Variants in LINGO2 observed in about 807,000 individuals in gnomAD.
LINGO2 encodes leucine rich repeat and Ig domain containing 2.
A neutral mutation model predicts 30.6 loss-of-function variants in LINGO2; 14 were observed. The ratio of observed to expected loss-of-function variants is 0.46; its 90% CI spans 0.30 to 0.72. LINGO2 has a LOEUF of 0.72. Among genes scored for constraint, LINGO2 ranks in the 30% least tolerant of loss-of-function variants. The pLI, the probability that LINGO2 is intolerant of heterozygous loss-of-function variation, is 0.07. For synonymous variants in LINGO2, 317 were observed against 288.5 expected, an observed-to-expected ratio of 1.10 and a Z score of -1.00; for missense variants, 729 against 751.7, an observed-to-expected ratio of 0.97 and a Z score of 0.35.
chr9:28,798,487 A>T, the LINGO2 span, among the ~76,000 whole-genome samples: 1 of 152,180 alleles, frequency 6.6e-6, no homozygotes, highest in South Asian at 2.1e-4. Context: ...AGAAGGTGGG[A>T]TGTTTCTAAT....
At chr9:28,155,988 C>T (rs2133575401) in intron 4 of LINGO2, among the ~76,000 whole-genome samples, 1 of 152,298 alleles carries the variant, frequency 6.6e-6, no homozygotes, top group Admixed American at 6.5e-5. Context: ...CCACGAGACA[C>T]TCAGCCTATG....
rs908033862 is a variant in LINGO2 at position 28,614,099 on chromosome 9, T to C, written c.-365+56101A>G. 3.9e-5 allele frequency among the ~76,000 whole-genome samples: 6 copies of C among 152,148 alleles called. No homozygotes were observed. The East Asian group carries it at 9.6e-4, about 24-fold the overall frequency. On this transcript the variant is annotated intron_variant, in intron 1 of 5. Transcript: ENST00000379992. ...TTATAATAAATGAAAATGCCTCTCT[T>C]GATCATTATTTCAAATTTGGTCAAA...
intron 4 of LINGO2, among the ~76,000 whole-genome samples, chr9:28,173,103 G>A (rs1194006298): frequency 6.6e-6 from 1 of 152,144 alleles, no homozygotes; most frequent in Non-Finnish European, 1.5e-5. Context: ...CTCATTGATT[G>A]TAGTTTTAAA....
At chr9:28,193,906 C>G (rs993777697) in intron 4 of LINGO2, among the ~76,000 whole-genome samples, 1 of 152,322 alleles carries the variant, frequency 6.6e-6, no homozygotes, top group South Asian at 2.1e-4. Flanking sequence ...TACAGAGGGA[C>G]AGTCTCCAGG....
intron 1 of LINGO2, among the ~76,000 whole-genome samples, chr9:28,512,616 T>C (rs1587785620): frequency 4.3e-5 from 3 of 69,554 alleles, no homozygotes; most frequent in East Asian, 5.3e-4. Context: ...TATATATATA[T>C]ATATATATAT....
At chr9:28,104,568 GT>G (rs1316914923) in intron 4 of LINGO2, among the ~76,000 whole-genome samples, 1 of 151,274 alleles carries the variant, frequency 6.6e-6, no homozygotes, top group African/African-American at 2.4e-5. Context: ...TTGTTTACAT[GT>G]TTTTTTTCAA....
At chr9:28,593,674 A>C (rs1825035112) in intron 1 of LINGO2, among the ~76,000 whole-genome samples, 1 of 151,784 alleles carries the variant, frequency 6.6e-6, no homozygotes, top group African/African-American at 2.4e-5. Context: ...AAATCAAAAT[A>C]AACTTGCTCA....
At chr9:28,372,579 T>C (rs1820946168) in intron 3 of LINGO2, among the ~76,000 whole-genome samples, 1 of 148,644 alleles carries the variant, frequency 6.7e-6, no homozygotes, top group East Asian at 2.0e-4. Context: ...GCTTTTTTTC[T>C]TGTTAGTTCT....
the LINGO2 span, among the ~76,000 whole-genome samples, chr9:28,728,971 A>G: frequency 6.6e-6 from 1 of 152,104 alleles, no homozygotes; most frequent in East Asian, 1.9e-4. Flanking sequence ...ACATTAGAAA[A>G]ATATACTTCC....
rs921222029 is a variant in LINGO2 at position 28,347,920 on chromosome 9, G to A, written c.-246+24916C>T. ...CTACTATGTTGTTACTGCCTCTCTT[G>A]AGATAATTAGTATTATCATTTATAG... On this transcript the variant is annotated intron_variant, in intron 3 of 5. Coordinates refer to ENST00000379992, the Ensembl canonical transcript of LINGO2. Among the ~76,000 whole-genome samples, 222 of 152,110 alleles carry A rather than the reference G, an allele frequency of 1.5e-3. 2 individuals carry two copies. Among genetic ancestry groups the A allele is most frequent in the Non-Finnish European group, 1.2e-3 (79 of 68,016 alleles).
At chr9:29,102,204 C>A in the LINGO2 span, among the ~76,000 whole-genome samples, 35,764 of 151,732 alleles carry the variant, frequency 0.24, 4,340 homozygotes, top group East Asian at 0.4. Flanking sequence ...GCCTCAGCCT[C>A]CCGAGTAGCT....
chr9:28,265,594 G>A (rs1378559380), intron 4 of LINGO2, among the ~76,000 whole-genome samples: 1 of 151,732 alleles, frequency 6.6e-6, no homozygotes, highest in Non-Finnish European at 1.5e-5. Flanking sequence ...AAGAGTAAAG[G>A]GGCATGACAC....
the LINGO2 span, among the ~76,000 whole-genome samples, chr9:28,917,999 A>C: frequency 6.6e-6 from 1 of 152,090 alleles, no homozygotes; most frequent in Non-Finnish European, 1.5e-5. Flanking sequence ...TTTTTATCTC[A>C]CTAACAGATC....
intron 3 of LINGO2, among the ~76,000 whole-genome samples, chr9:28,328,436 C>T (rs768540750): frequency 1.3e-5 from 2 of 151,894 alleles, no homozygotes; most frequent in Non-Finnish European, 2.9e-5. Context: ...CACAACCAAA[C>T]ATATGCCTTC....
intron 3 of LINGO2, among the ~76,000 whole-genome samples, chr9:28,349,793 C>A (rs933360987): frequency 7.9e-5 from 12 of 151,654 alleles, no homozygotes; most frequent in African/African-American, 2.9e-4. Context: ...AGACTAACAG[C>A]GGATCTCTCG....
At chr9:28,275,531 C>T (rs919295731) in intron 4 of LINGO2, among the ~76,000 whole-genome samples, 1 of 152,116 alleles carries the variant, frequency 6.6e-6, no homozygotes, top group Non-Finnish European at 1.5e-5. Context: ...TTTTAACACT[C>T]TTAACTCTTA....
chr9:28,882,136 G>T, the LINGO2 span, among the ~76,000 whole-genome samples: 1 of 152,076 alleles, frequency 6.6e-6, no homozygotes, highest in Non-Finnish European at 1.5e-5. Context: ...TCCCAAAATT[G>T]CCTGTTGCTT....
At chr9:28,093,539 T>TA (rs1318170022) in intron 4 of LINGO2, among the ~76,000 whole-genome samples, 2 of 152,072 alleles carry the variant, frequency 1.3e-5, no homozygotes, top group African/African-American at 4.8e-5. Flanking sequence ...GTTTTTTTTT[T>TA]AACCGTCACT....
In LINGO2 at chr9:28,367,752, G is replaced by T. The variant is rs1209546340; in HGVS notation, c.-246+5084C>A. On this transcript the variant is annotated intron_variant, in intron 3 of 5. Transcript: ENST00000379992. The stretch of plus-strand genomic sequence containing the variant: ...AAAGTTGTTATTATAGCATCACTGG[G>T]CCCTTTTAATCTGAAAATAATTCCG... Among the ~76,000 whole-genome samples the T allele has an allele frequency of 4.6e-5, 7 of 151,514 alleles. No individual in the cohort carries two copies. The East Asian group carries it at 1.4e-3, about 30-fold the overall frequency.
Sources: gnomAD v4.1 joint callset for allele counts (sites outside exome capture counted in the v4.1 genomes callset) on GRCh38, gnomAD v4.1.1 for gene constraint, MANE v1.5 for transcripts, NCBI Gene and HGNC (gene_info 2026-07-23, HGNC 2026-07-21) for gene names.